SBF2: variants seen among roughly 807,000 people sequenced by gnomAD.
SBF2 encodes SET binding factor 2, also known as myotubularin-related protein 13.
Under a neutral mutation model 225.2 loss-of-function variants are expected in SBF2, and 112 were observed. The observed-to-expected ratio is 0.50, with a 90% CI of 0.43 to 0.58. SBF2 has a LOEUF of 0.58. SBF2 is among the 20% of genes least tolerant of loss of function. The pLI is 0.00. For missense variants in SBF2, 1,996 were observed against 2,206.2 expected, an observed-to-expected ratio of 0.90 and a Z score of 1.91; for synonymous variants, 763 against 773.3, an observed-to-expected ratio of 0.99 and a Z score of 0.22.
rs74671309 is a variant in SBF2, at chr11:10,104,682, T to A, written c.142-61701A>T. 5.3e-5 allele frequency among the ~76,000 whole-genome samples: 8 copies of A among 152,304 alleles called. No individual in the cohort carries two copies. In the East Asian group the frequency reaches 1.3e-3, roughly 26 times the overall value. On this transcript the variant is annotated intron_variant, in intron 2 of 39. Transcript: ENST00000256190. Reference sequence around the variant, plus strand: ...TCTCCAGAGTTCCAAAATAGTCACATTAGATTCTACCAGTGCAACTGTTGT... The same window carrying A: ...TCTCCAGAGTTCCAAAATAGTCACAATAGATTCTACCAGTGCAACTGTTGT...
chr11:10,073,768 C>T (rs756395161), intron 2 of SBF2, among the ~76,000 whole-genome samples: 5 of 152,040 alleles, frequency 3.3e-5, no homozygotes, highest in Non-Finnish European at 5.9e-5. Flanking sequence ...CAACCAAATG[C>T]ATATGTAGAC....
chr11:10,053,317 T>C (rs1219083529), intron 2 of SBF2, among the ~76,000 whole-genome samples: 1 of 152,204 alleles, frequency 6.6e-6, no homozygotes, highest in Non-Finnish European at 1.5e-5. Flanking sequence ...ACTGGTTTTC[T>C]AGAGCATGCA....
chr11:9,858,599 G>A (rs1291079543), intron 17 of SBF2, among the ~76,000 whole-genome samples: 1 of 152,152 alleles, frequency 6.6e-6, no homozygotes, highest in Non-Finnish European at 1.5e-5. Flanking sequence ...GAGAGTCTCA[G>A]TCACTTTATC....
At chr11:10,102,655 A>C (rs879741061) in intron 2 of SBF2, among the ~76,000 whole-genome samples, 1 of 152,188 alleles carries the variant, frequency 6.6e-6, no homozygotes, top group Non-Finnish European at 1.5e-5. Flanking sequence ...CTGTAAAAAA[A>C]GTTCTGGGGG....
chr11:9,902,135 T>C (rs1399306025), intron 16 of SBF2, among the ~76,000 whole-genome samples: 2 of 152,198 alleles, frequency 1.3e-5, no homozygotes, highest in Non-Finnish European at 2.9e-5. Flanking sequence ...GCCTTCCCTT[T>C]CTAGGACTTT....
intron 6 of SBF2, among the ~76,000 whole-genome samples, chr11:10,012,848 C>T (rs968613798): frequency 6.6e-6 from 1 of 151,744 alleles, no homozygotes; most frequent in African/African-American, 2.4e-5. Context: ...TAATGTTAGG[C>T]TGCTGATGTC....
Position 10,007,215 on chromosome 11 carries a change from T to C in SBF2, c.620-4526A>G, listed in dbSNP as rs111460815. On this transcript the variant is annotated intron_variant, in intron 6 of 39. Transcript: ENST00000256190. ...CTCATTCCAGAACCCTAAGGACAAA[T>C]AGGGGATGCCCTATTCAGGATAATA... 2.9e-3 allele frequency among the ~76,000 whole-genome samples: 441 copies of C among 152,242 alleles called. 1 individual carries two copies. The highest frequency in any genetic ancestry group is 0.01 in the African/African-American group (424 of 41,552).
At chr11:10,245,314 CAGG>C (rs1959673286) in intron 1 of SBF2, among the ~76,000 whole-genome samples, 1 of 148,612 alleles carries the variant, frequency 6.7e-6, no homozygotes, top group African/African-American at 2.5e-5. Context: ...GAACCCGAGT[CAGG>C]AGAATGCTGC....
intron 2 of SBF2, among the ~76,000 whole-genome samples, chr11:10,146,604 C>G (rs1215332928): frequency 6.6e-6 from 1 of 151,946 alleles, no homozygotes; most frequent in Non-Finnish European, 1.5e-5. Flanking sequence ...ATGTAAAACC[C>G]AAAACAATAA....
Position 10,270,935 on chromosome 11 carries a change from C to A in SBF2, c.55+23080G>T, listed in dbSNP as rs1962431986. ...GCGTGAACCCGGGAGGCGGACCTTG[C>A]AGTGAGCCAAGATTGTGCCACTGCA... On this transcript the variant is annotated intron_variant, in intron 1 of 39. Transcript: ENST00000256190. Among the ~76,000 whole-genome samples, 3 of 128,766 alleles carry A rather than the reference C, an allele frequency of 2.3e-5. No homozygotes were observed. The South Asian group carries it at 7.2e-4, about 31-fold the overall frequency. The allele number at this position is 128,766 out of a possible 152,430, so 84.5% of individuals were successfully genotyped here.
chr11:9,859,666 A>T (rs1386804476), intron 17 of SBF2, among the ~76,000 whole-genome samples: 7 of 152,242 alleles, frequency 4.6e-5, no homozygotes, highest in Non-Finnish European at 1.0e-4. Flanking sequence ...AAGGTTATAT[A>T]ACTGTTACAC....
At chr11:10,180,254 G>GT (rs1382711979) in intron 2 of SBF2, among the ~76,000 whole-genome samples, 1 of 151,890 alleles carries the variant, frequency 6.6e-6, no homozygotes, top group Non-Finnish European at 1.5e-5. Flanking sequence ...ATCATTTCTT[G>GT]TAAGACAGGT....
At chr11:9,967,009 A>T (rs2134380473) in intron 14 of SBF2, among the ~76,000 whole-genome samples, 1 of 152,352 alleles carries the variant, frequency 6.6e-6, no homozygotes, top group Middle Eastern at 3.4e-3. Context: ...CAACTCAAAT[A>T]TCCATCAATT....
intron 2 of SBF2, among the ~76,000 whole-genome samples, chr11:10,061,031 A>C (rs1224472221): frequency 1.3e-5 from 2 of 152,150 alleles, no homozygotes; most frequent in Non-Finnish European, 2.9e-5. Context: ...CCATCTCAAA[A>C]AAAAATAAAT....
At chr11:9,805,511 G>GATTTGTTTGTTAGTTGTTAGTT in intron 32 of SBF2, among the ~76,000 whole-genome samples, 1 of 152,290 alleles carries the variant, frequency 6.6e-6, no homozygotes. Context: ...GAAATGTGGA[G>GATTTGTTTGTTAGTTGTTAGTT]CCACTGAAGG....
At chr11:10,136,433 T>A (rs1255242496) in intron 2 of SBF2, among the ~76,000 whole-genome samples, 1 of 152,190 alleles carries the variant, frequency 6.6e-6, no homozygotes, top group Non-Finnish European at 1.5e-5. Context: ...TTTAGCCCCA[T>A]CTGCATTCTC....
rs766137744 is a variant in SBF2, at chr11:9,832,336, C to T, written c.3540G>A (p.Leu1180=). ...TTGAGTTCTTCCAACATACAACAGG[C>T]AGGCGATTGTGTCGATAGCAGCGAG... The part of the protein sequence containing the change: ...RVARCYRHNR[L]PVVCWKNSRS... The change falls in exon 27 of 40, where the codon CTG becomes CTA. Residue 1180 remains leucine, a synonymous_variant. Transcript: ENST00000256190. 3 of 1,614,092 alleles carry T rather than the reference C, an allele frequency of 1.9e-6. No homozygotes were observed. The highest frequency in any genetic ancestry group is 1.7e-5 in the Admixed American group (1 of 60,020).
chr11:10,013,169 C>T (rs1948520098), intron 6 of SBF2, among the ~76,000 whole-genome samples: 1 of 152,212 alleles, frequency 6.6e-6, no homozygotes, highest in Admixed American at 6.5e-5. Flanking sequence ...AAATTTCTGG[C>T]TGATGTGCCA....
chr11:9,995,040 C>CA (rs5789626), intron 9 of SBF2, among the ~76,000 whole-genome samples: 7,575 of 138,438 alleles, frequency 0.055, 414 homozygotes, highest in East Asian at 0.21. Context: ...GACTCTGTCT[C>CA]AAAAAAAAAA....
Sources: allele counts gnomAD v4.1 joint callset (sites outside exome capture counted in the v4.1 genomes callset), GRCh38; gene constraint gnomAD v4.1.1; transcripts MANE v1.5; gene names NCBI Gene and HGNC (gene_info 2026-07-23, HGNC 2026-07-21).